Variants in DNAH5 observed in about 807,000 individuals in gnomAD.
DNAH5 encodes the protein dynein axonemal heavy chain 5.
In DNAH5, 372 loss-of-function variants were observed where a neutral mutation model predicts 518.2. The observed-to-expected ratio is 0.72, with a 90% confidence interval of 0.66 to 0.78. The LOEUF (loss-of-function observed/expected upper bound fraction) is 0.78. DNAH5 is among the 30% of genes least tolerant of loss of function. DNAH5 has a pLI of 0.00. For missense variants in DNAH5, 5,523 were observed against 5,687.0 expected, an observed-to-expected ratio of 0.97 and a Z score of 0.93; for synonymous variants, 2,039 against 2,025.9, an observed-to-expected ratio of 1.01 and a Z score of -0.17.
chr5:13,854,571 T>A (rs1346799741), intron 30 of DNAH5, among the ~76,000 whole-genome samples: 1 of 152,116 alleles, frequency 6.6e-6, no homozygotes, highest in African/African-American at 2.4e-5. Flanking sequence ...AGACACAGAC[T>A]GGCAAATTTA....
chr5:13,727,882 T>C (rs1221581323), intron 69 of DNAH5, among the ~76,000 whole-genome samples: 2 of 152,178 alleles, frequency 1.3e-5, no homozygotes, highest in Non-Finnish European at 2.9e-5. Flanking sequence ...CATTTCAAAG[T>C]AGGGAGAGTC....
intron 20 of DNAH5, 26 bp from the exon 21 acceptor site, chr5:13,882,841 G>T (rs1232484054): frequency 3.7e-6 from 6 of 1,613,568 alleles, no homozygotes; most frequent in Non-Finnish European, 5.1e-6. Flanking sequence ...ATATTTTTCA[G>T]TTCTGTCCTA....
intron 12 of DNAH5, among the ~76,000 whole-genome samples, chr5:13,905,492 T>A (rs1168734423): frequency 6.6e-6 from 1 of 152,232 alleles, no homozygotes; most frequent in African/African-American, 2.4e-5. Context: ...TTCTTTTTTT[T>A]ATAAATCAGC....
rs1179920146 is a variant in DNAH5, at chr5:13,830,691, G to C, written c.5967C>G (p.Thr1989=). The change falls in exon 36 of 79, where the codon ACC becomes ACG. Residue 1989 remains threonine (T), a synonymous_variant. Transcript: ENST00000265104. ...CGAGGCATCGTCCCATGTCTTTAGTGGTTTCTGTTTTGCCTGTGCCTGCAG... is the reference window on the plus strand; with the variant it reads ...CGAGGCATCGTCCCATGTCTTTAGTCGTTTCTGTTTTGCCTGTGCCTGCAG... ...AGPAGTGKTE[T]TKDMGRCLGK... is the part of the protein sequence containing the mutation. The C allele has an allele frequency of 3.7e-6, 6 of 1,614,034 alleles. No individual in the cohort carries two copies. The highest frequency in any genetic ancestry group is 5.1e-6 in the Non-Finnish European group (6 of 1,180,030).
chr5:13,792,710 T>A (rs976384226), intron 49 of DNAH5, among the ~76,000 whole-genome samples: 1 of 152,306 alleles, frequency 6.6e-6, no homozygotes, highest in East Asian at 1.9e-4. Flanking sequence ...CTTAGATAAT[T>A]CCAATGTCTG....
At position 13,917,225 on chromosome 5, in the gene DNAH5, T is replaced by A. The variant is rs771215741; in HGVS notation, c.1007A>T (p.Asp336Val). 6.8e-6 allele frequency: 11 copies of A among 1,614,026 alleles called. No individual in the cohort carries two copies. Among genetic ancestry groups the A allele is most frequent in the Non-Finnish European group, 8.5e-6 (10 of 1,179,958 alleles). The change falls in exon 8 of 79, where the codon GAT becomes GTT. Residue 336 changes from aspartate (D) to valine (V), a missense_variant. Physicochemically the swap from Asp to Val is radical, Grantham distance 152 (BLOSUM62 -3). Around this residue, in one of 3 missense-constraint regions of DNAH5, gnomAD observed 5,121 missense variants for 5,223.3 expected, o/e 0.98. Transcript: ENST00000265104. Reference protein sequence around the residue: ...TWREMDIRITDATNEAKDNVK... With the variant: ...TWREMDIRITVATNEAKDNVK... ...ATTGTCCTTTGCTTCATTAGTTGCA[T>A]CAGTGATTCGAATATCCATCTCCCG...
intron 3 of DNAH5, among the ~76,000 whole-genome samples, chr5:13,925,586 G>A (rs772276551): frequency 1.3e-5 from 2 of 152,140 alleles, no homozygotes; most frequent in African/African-American, 2.4e-5. Context: ...CAGGCAAAGA[G>A]AGGATAAGAC....
At chr5:14,011,180 G>C (rs1009841516) in intron 1 of DNAH5, among the ~76,000 whole-genome samples, 1 of 152,056 alleles carries the variant, frequency 6.6e-6, no homozygotes, top group African/African-American at 2.4e-5. Context: ...CTAAACATTC[G>C]CTTCTGTCCA....
chr5:13,886,526 A>G (rs1580747645), intron 17 of DNAH5, among the ~76,000 whole-genome samples: 3 of 152,226 alleles, frequency 2.0e-5, no homozygotes, highest in East Asian at 3.9e-4. Context: ...GACACTACCC[A>G]CCCTTCTAAC....
chr5:13,987,556 A>G (rs1389240000), intron 1 of DNAH5, among the ~76,000 whole-genome samples: 1 of 152,212 alleles, frequency 6.6e-6, no homozygotes, highest in Non-Finnish European at 1.5e-5. Context: ...TGAATCTTGT[A>G]TAAGAATCTA....
chr5:13,791,141 T>G (rs150828856), intron 50 of DNAH5, among the ~76,000 whole-genome samples: 43 of 152,330 alleles, frequency 2.8e-4, no homozygotes, highest in African/African-American at 1.0e-3. Flanking sequence ...TTACCTATAT[T>G]GCAAGCATCT....
At chr5:13,841,444 C>A (rs1236443110) in intron 33 of DNAH5, among the ~76,000 whole-genome samples, 2 of 152,088 alleles carry the variant, frequency 1.3e-5, no homozygotes, top group East Asian at 1.9e-4. Flanking sequence ...AGGGAAAAAA[C>A]CGTTTTAAAT....
chr5:13,948,853 G>A (rs183392989), upstream of DNAH5, among the ~76,000 whole-genome samples: 1 of 151,916 alleles, frequency 6.6e-6, no homozygotes, highest in African/African-American at 2.4e-5. Flanking sequence ...AATAGAGGGA[G>A]GTGGAAACTG....
chr5:13,989,046 G>T (rs1460451674), intron 1 of DNAH5, among the ~76,000 whole-genome samples: 1 of 152,014 alleles, frequency 6.6e-6, no homozygotes, highest in Non-Finnish European at 1.5e-5. Context: ...TTTTAGAACA[G>T]CATTTCTGAA....
chr5:13,808,225 C>CAAAAAAAAA (rs56686032), intron 46 of DNAH5, among the ~76,000 whole-genome samples: 2 of 86,352 alleles, frequency 2.3e-5, no homozygotes, highest in African/African-American at 9.4e-5. Flanking sequence ...GACTCCATCT[C>CAAAAAAAAA]AAAAAAAAAA....
chr5:13,900,100 T>G lies in DNAH5; in HGVS notation c.2259+106A>C, dbSNP rs1774392700. ...GGCACTGTCCCCTCAGTCACTCCAT[T>G]CATCCTGGCCACTTTCTGCTCCTTG... is the stretch of plus-strand genomic sequence containing the variant. On this transcript the variant is annotated intron_variant, in intron 15 of 78. Coordinates refer to ENST00000265104, the MANE Select transcript of DNAH5 (RefSeq NM_001369.3). 8.5e-6 allele frequency: 9 copies of G among 1,064,154 alleles called. No individual in the cohort carries two copies. In the South Asian group the frequency reaches 1.2e-4, roughly 14 times the overall value. The allele number at this position is 1,064,154 out of a possible 1,614,324, so 65.9% of individuals were successfully genotyped here.
intron 1 of DNAH5, among the ~76,000 whole-genome samples, chr5:13,981,966 A>G (rs1195095434): frequency 1.3e-5 from 2 of 152,210 alleles, no homozygotes; most frequent in African/African-American, 2.4e-5. Context: ...TGTCAGCACG[A>G]TTCGGTGAAA....
intron 78 of DNAH5, among the ~76,000 whole-genome samples, chr5:13,694,038 T>A (rs1023811): frequency 0.029 from 4,425 of 152,300 alleles, 196 homozygotes; most frequent in African/African-American, 0.094. Flanking sequence ...TTTAAACATG[T>A]AAAACATATA....
At chr5:13,950,500 T>C (rs1780303982) in intron 1 of DNAH5, among the ~76,000 whole-genome samples, 1 of 152,172 alleles carries the variant, frequency 6.6e-6, no homozygotes, top group Non-Finnish European at 1.5e-5. Flanking sequence ...GGTCTCGAAC[T>C]CCTGACCTCA....
Sources: allele counts gnomAD v4.1 joint callset (sites outside exome capture counted in the v4.1 genomes callset), GRCh38; gene constraint gnomAD v4.1.1; regional missense constraint gnomAD v4.1.1; transcripts MANE v1.5; gene names NCBI Gene and HGNC (gene_info 2026-07-23, HGNC 2026-07-21).